Variants in ELAVL4 observed in about 807,000 individuals in gnomAD.
ELAVL4 encodes ELAV like RNA binding protein 4, also known as ELAV-like protein 4.
A neutral mutation model predicts 35.6 loss-of-function variants in ELAVL4; 1 was observed. That is an observed-to-expected ratio of 0.03 (90% CI 0.01 to 0.13). The LOEUF (loss-of-function observed/expected upper bound fraction) is 0.13, where lower values mean the gene tolerates loss of function less well. ELAVL4 is among the 10% of genes least tolerant of loss of function. ELAVL4 has a pLI of 1.00. For synonymous variants in ELAVL4, 156 were observed against 171.0 expected (o/e 0.91, Z 0.69); for missense variants, 267 against 464.9 (o/e 0.57, Z 3.91).
rs891799724 is a variant in ELAVL4 at position 50,048,135 on chromosome 1, A to C, written c.-30A>C. On this transcript the variant is annotated 5_prime_UTR_variant, in exon 1 of 7. Transcript: ENST00000448907. ...GCGCTCCGCCCCACCCAGCCTCCGC[A>C]GCCTCGGGCCGGATCGCCCGGCGGG... is the stretch of plus-strand genomic sequence containing the variant. The C allele has an allele frequency of 4.0e-6, 6 of 1,512,038 alleles. No individual in the cohort carries two copies. In the Admixed American group the frequency reaches 1.2e-4, roughly 31 times the overall value. 93.7% of individuals were successfully genotyped at this position (1,512,038 alleles called of 1,614,324 possible).
At chr1:50,195,509 T>C (rs1366067485) in intron 4 of ELAVL4, 52 bp from the exon 5 acceptor site, 15 of 1,592,702 alleles carry the variant, frequency 9.4e-6, no homozygotes, top group Non-Finnish European at 2.6e-6. Context: ...CCCAAAGATG[T>C]TTACCAGTTT....
Position 50,195,588 on chromosome 1 carries a change from G to A in ELAVL4, c.536G>A (p.Arg179His). The change falls in exon 5 of 7, where the codon CGC (arginine) becomes CAC (histidine). Residue 179 changes from arginine to histidine, a missense_variant. Around this residue, in one of 2 missense-constraint regions of ELAVL4, gnomAD observed 216 missense variants for 409.5 expected, o/e 0.53. Transcript: ENST00000371824. ...GTGTCCAGAGGGGTGGGATTCATCCGCTTTGATAAGAGGATTGAGGCAGAA... is the reference window on the plus strand; with the variant it reads ...GTGTCCAGAGGGGTGGGATTCATCCACTTTGATAAGAGGATTGAGGCAGAA... ...TGVSRGVGFIRFDKRIEAEEA... is the reference protein window; with the variant it reads ...TGVSRGVGFIHFDKRIEAEEA... 1.2e-6 allele frequency: 2 copies of A among 1,614,100 alleles called. No individual in the cohort carries two copies. The highest frequency in any genetic ancestry group is 8.5e-7 in the Non-Finnish European group (1 of 1,179,992).
intron 2 of ELAVL4, among the ~76,000 whole-genome samples, chr1:50,170,240 C>T (rs1678748583): frequency 6.6e-6 from 1 of 152,196 alleles, no homozygotes; most frequent in Admixed American, 6.5e-5. Context: ...CATGCATTAT[C>T]ACTTTTAATC....
chr1:50,181,465 C>A (rs1249028695), intron 3 of ELAVL4, among the ~76,000 whole-genome samples: 1 of 152,186 alleles, frequency 6.6e-6, no homozygotes, highest in East Asian at 1.9e-4. Flanking sequence ...CCTAGAGATT[C>A]TTCCATCCAT....
chr1:50,180,580 G>A (rs889228462), intron 3 of ELAVL4: 1 of 152,184 alleles, frequency 6.6e-6, no homozygotes, highest in Non-Finnish European at 1.5e-5. Context: ...TCTAGGCATC[G>A]GCACAGCACC....
chr1:50,081,568 C>A (rs1370147690), intron 1 of ELAVL4, among the ~76,000 whole-genome samples: 1 of 152,240 alleles, frequency 6.6e-6, no homozygotes, highest in Admixed American at 6.5e-5. Context: ...AATAAGCACA[C>A]CAGGGTGATG....
intron 1 of ELAVL4, chr1:50,141,682 T>C (rs1488512730): frequency 2.0e-5 from 3 of 152,316 alleles, no homozygotes; most frequent in Non-Finnish European, 4.4e-5. Context: ...GAATAGGCTT[T>C]GCTGGGTACA....
At chr1:50,107,405 T>C (rs905112584), upstream of ELAVL4, among the ~76,000 whole-genome samples, 1 of 152,204 alleles carries the variant, frequency 6.6e-6, no homozygotes, top group Non-Finnish European at 1.5e-5. Context: ...CCAACACATA[T>C]TGTTTTATGA....
intron 1 of ELAVL4, among the ~76,000 whole-genome samples, chr1:50,091,658 GAAA>G (rs1260646975): frequency 6.6e-6 from 1 of 152,170 alleles, no homozygotes. Flanking sequence ...AGTTTGGAAG[GAAA>G]AGAAGCACTG....
At chr1:50,200,008 C>T (rs1356297258) in intron 6 of ELAVL4, among the ~76,000 whole-genome samples, 1 of 152,140 alleles carries the variant, frequency 6.6e-6, no homozygotes, top group Non-Finnish European at 1.5e-5. Flanking sequence ...TATAGCGATT[C>T]AAGATATATA....
At position 50,145,050 on chromosome 1, in the gene ELAVL4, A is replaced by G. The variant is rs1673455811; in HGVS notation, c.103A>G (p.Met35Val). ...SSNNRNCPSP[M>V]QTGATTDDSK... ...CAACAACAGAAACTGTCCTTCTCCC[A>G]TGCAAACAGGGGCAACCACAGATGA... The change falls in exon 2 of 7, where the codon ATG becomes GTG. Residue 35 changes from methionine to valine, a missense_variant. Met to Val is a conservative substitution (Grantham distance 21). This residue lies in a region of ELAVL4 where 51 missense variants were observed against 55.4 expected (regional missense o/e 0.92). Transcript: ENST00000371824. The G allele has an allele frequency of 1.9e-6, 3 of 1,614,022 alleles. No homozygotes were observed. The highest frequency in any genetic ancestry group is 2.2e-5 in the East Asian group (1 of 44,838).
chr1:50,072,416 G>T (rs1332259958), intron 1 of ELAVL4, among the ~76,000 whole-genome samples: 1 of 152,194 alleles, frequency 6.6e-6, no homozygotes, highest in Non-Finnish European at 1.5e-5. Flanking sequence ...TTCTCCAGCA[G>T]AGACATGAGC....
At chr1:50,107,066 A>G (rs369977290), upstream of ELAVL4, among the ~76,000 whole-genome samples, 7 of 152,236 alleles carry the variant, frequency 4.6e-5, no homozygotes, top group African/African-American at 1.7e-4. Context: ...TTTTCACAAT[A>G]TTTTAATATT....
At chr1:50,173,185 T>A (rs1679347845) in intron 2 of ELAVL4, among the ~76,000 whole-genome samples, 1 of 152,224 alleles carries the variant, frequency 6.6e-6, no homozygotes, top group Non-Finnish European at 1.5e-5. Context: ...TATGGGAAGA[T>A]GTGTTTTGTT....
Position 50,153,516 on chromosome 1 carries a change from A to G in ELAVL4, c.250+8319A>G, listed in dbSNP as rs552273477. Among the ~76,000 whole-genome samples, 3 of 152,316 alleles carry G rather than the reference A, an allele frequency of 2.0e-5. No homozygotes were observed. The South Asian group carries it at 6.2e-4, about 32-fold the overall frequency. ...ACCACTCTGTCTGTGCTGAATGAAG[A>G]CAACATCAGTTATGGGTGTTCAAAG... On this transcript the variant is annotated intron_variant, in intron 2 of 6. Transcript: ENST00000371824.
intron 2 of ELAVL4, among the ~76,000 whole-genome samples, chr1:50,156,162 GA>G (rs1675706527): frequency 6.6e-6 from 1 of 152,190 alleles, no homozygotes; most frequent in South Asian, 2.1e-4. Context: ...AGACTAACCA[GA>G]ATTGAGACAG....
At chr1:50,157,109 A>T (rs1203374528) in intron 2 of ELAVL4, among the ~76,000 whole-genome samples, 1 of 152,218 alleles carries the variant, frequency 6.6e-6, no homozygotes, top group Non-Finnish European at 1.5e-5. Context: ...GACGGTCTGT[A>T]GTTGAATATG....
At chr1:50,148,428 G>T (rs1557782687) in intron 2 of ELAVL4, among the ~76,000 whole-genome samples, 1 of 152,170 alleles carries the variant, frequency 6.6e-6, no homozygotes, top group Admixed American at 6.5e-5. Flanking sequence ...ATCCTCTGGG[G>T]ATATAACTCA....
At chr1:50,181,470 A>G (rs1320006439) in intron 3 of ELAVL4, among the ~76,000 whole-genome samples, 1 of 152,108 alleles carries the variant, frequency 6.6e-6, no homozygotes. Context: ...AGATTCTTCC[A>G]TCCATGTGAG....
Sources: allele counts gnomAD v4.1 joint callset (sites outside exome capture counted in the v4.1 genomes callset), GRCh38; gene constraint gnomAD v4.1.1; regional missense constraint gnomAD v4.1.1; transcripts MANE v1.5; gene names NCBI Gene and HGNC (gene_info 2026-07-23, HGNC 2026-07-21).